Variants in NR3C1 observed in about 807,000 individuals in gnomAD.
The protein encoded by NR3C1 is glucocorticoid receptor.
In NR3C1, 14 loss-of-function variants were observed where a neutral mutation model predicts 74.0. That is an observed-to-expected ratio of 0.19 (90% CI 0.12 to 0.30). NR3C1 has a LOEUF of 0.30. Ranked by LOEUF, NR3C1 falls within the 10% of genes least tolerant of loss-of-function variation. NR3C1 has a pLI of 1.00. For missense variants in NR3C1, 695 were observed against 909.8 expected, an observed-to-expected ratio of 0.76 and a Z score of 3.04; for synonymous variants, 308 against 332.5, an observed-to-expected ratio of 0.93 and a Z score of 0.80.
intron 3 of NR3C1, among the ~76,000 whole-genome samples, chr5:143,313,071 A>G (rs1201747854): frequency 6.6e-6 from 1 of 152,234 alleles, no homozygotes; most frequent in East Asian, 1.9e-4. Flanking sequence ...TGAGACAAAT[A>G]ATAATAATCC....
chr5:143,285,970 TAAA>T (rs200720817), intron 7 of NR3C1, among the ~76,000 whole-genome samples: 1 of 81,892 alleles, frequency 1.2e-5, no homozygotes, highest in Non-Finnish European at 2.9e-5. Context: ...CCAGACTGAT[TAAA>T]AAAAAAAAAA....
intron 2 of NR3C1, among the ~76,000 whole-genome samples, chr5:143,375,197 T>C (rs74478381): frequency 2.0e-5 from 3 of 152,324 alleles, no homozygotes; most frequent in Non-Finnish European, 2.9e-5. Context: ...AAGCTACTCA[T>C]AGAGATGACA....
In NR3C1 at chr5:143,279,109, C is replaced by A; in HGVS notation, c.*2780G>T. 2.2e-6 allele frequency: 1 copy of A among 463,434 alleles called. No individual in the cohort carries two copies. The highest frequency in any genetic ancestry group is 3.8e-6 in the Non-Finnish European group (1 of 266,396). The allele number at this position is 463,434 out of a possible 1,614,324, so 28.7% of individuals were successfully genotyped here. A position where few individuals can be genotyped will look rare whatever the true frequency, so the allele number is the denominator to read the frequency against. On this transcript the variant is annotated 3_prime_UTR_variant, in exon 9 of 9. Transcript: ENST00000394464. Reference sequence around the variant, plus strand: ...AGTTTGGGTTGGGATGGCCAGATAACACATACATAGGAAATAAATCTGCTT... The same window carrying A: ...AGTTTGGGTTGGGATGGCCAGATAAAACATACATAGGAAATAAATCTGCTT...
upstream of NR3C1, chr5:143,404,304 C>G: frequency 1.0e-6 from 1 of 985,652 alleles, no homozygotes; most frequent in Admixed American, 6.1e-5. Flanking sequence ...CGCTCGGGGC[C>G]GGGCGGCCTG....
intron 2 of NR3C1, among the ~76,000 whole-genome samples, chr5:143,388,242 A>G (rs758536285): frequency 6.6e-6 from 1 of 152,138 alleles, no homozygotes; most frequent in Admixed American, 6.5e-5. Context: ...CTTTATGTAT[A>G]CTCTCTGTAT....
At chr5:143,290,749 G>C (rs530699185) in intron 7 of NR3C1, among the ~76,000 whole-genome samples, 11 of 151,960 alleles carry the variant, frequency 7.2e-5, no homozygotes, top group African/African-American at 2.4e-4. Context: ...AGTTTTAGTA[G>C]AGTCGGGGTT....
chr5:143,304,837 T>C (rs576495640), intron 4 of NR3C1, among the ~76,000 whole-genome samples: 2 of 152,246 alleles, frequency 1.3e-5, no homozygotes, highest in Admixed American at 6.5e-5. Context: ...CTGGGATAAC[T>C]GGCTATCCAT....
upstream of NR3C1, chr5:143,405,105 G>A: frequency 1.0e-6 from 1 of 985,300 alleles, no homozygotes; most frequent in Non-Finnish European, 1.2e-6. Flanking sequence ...TCCCCAGCTC[G>A]CCGCGTCGGG....
chr5:143,353,230 G>A (rs1199543541), intron 2 of NR3C1, among the ~76,000 whole-genome samples: 1 of 152,114 alleles, frequency 6.6e-6, no homozygotes, highest in African/African-American at 2.4e-5. Flanking sequence ...TAGTTCTCTT[G>A]CTGTTTCTAC....
At chr5:143,401,692 T>C (rs1840314048) in intron 1 of NR3C1, among the ~76,000 whole-genome samples, 1 of 152,268 alleles carries the variant, frequency 6.6e-6, no homozygotes, top group South Asian at 2.1e-4. Flanking sequence ...TACATTTGTT[T>C]ACATTGCTTG....
chr5:143,372,825 T>C (rs1226110826), intron 2 of NR3C1, among the ~76,000 whole-genome samples: 2 of 152,214 alleles, frequency 1.3e-5, no homozygotes, highest in African/African-American at 2.4e-5. Context: ...ACTTCTAAAC[T>C]ACACATGCAT....
intron 2 of NR3C1, among the ~76,000 whole-genome samples, chr5:143,351,591 G>A (rs909430549): frequency 6.6e-6 from 1 of 152,070 alleles, no homozygotes; most frequent in African/African-American, 2.4e-5. Context: ...CTTTTGTGTT[G>A]TGGCATGAAA....
chr5:143,322,307 T>C (rs1823563647), intron 2 of NR3C1, among the ~76,000 whole-genome samples: 2 of 152,196 alleles, frequency 1.3e-5, no homozygotes, highest in South Asian at 4.1e-4. Context: ...TCTTAAGCAA[T>C]CTTCTTCATT....
intron 2 of NR3C1, among the ~76,000 whole-genome samples, chr5:143,392,558 C>G (rs1421070791): frequency 2.0e-5 from 3 of 151,020 alleles, no homozygotes; most frequent in African/African-American, 7.3e-5. Flanking sequence ...CTTTAGTTTT[C>G]ACATCTGTAA....
At chr5:143,434,631 C>T in exon 1 of NR3C1, 1 of 985,370 alleles carries the variant, frequency 1.0e-6, no homozygotes, top group African/African-American at 1.7e-5. Context: ...CAACTAAAGC[C>T]CGAGGAGGGT....
intron 1 of NR3C1, among the ~76,000 whole-genome samples, chr5:143,417,044 G>A (rs1030368596): frequency 2.0e-5 from 3 of 152,020 alleles, no homozygotes; most frequent in South Asian, 2.1e-4. Flanking sequence ...AATGTCTTAC[G>A]TAGTTTTTCT....
intron 2 of NR3C1, among the ~76,000 whole-genome samples, chr5:143,385,760 A>G (rs949812952): frequency 6.6e-6 from 1 of 152,230 alleles, no homozygotes; most frequent in African/African-American, 2.4e-5. Context: ...ATTTTGGTCA[A>G]AACCATTCAA....
intron 6 of NR3C1, among the ~76,000 whole-genome samples, chr5:143,297,796 A>G (rs1180954849): frequency 6.6e-6 from 1 of 152,210 alleles, no homozygotes; most frequent in Non-Finnish European, 1.5e-5. Context: ...GTATCTGGTG[A>G]TGTGAACACC....
At chr5:143,405,303 C>G, upstream of NR3C1, 1 of 985,708 alleles carries the variant, frequency 1.0e-6, no homozygotes, top group Non-Finnish European at 1.2e-6. Context: ...CCTAATCCTG[C>G]TCGGGCGCTC....
Sources: gnomAD v4.1 joint callset for allele counts (sites outside exome capture counted in the v4.1 genomes callset) on GRCh38, gnomAD v4.1.1 for gene constraint, MANE v1.5 for transcripts, NCBI Gene and HGNC (gene_info 2026-07-23, HGNC 2026-07-21) for gene names.